Variants in KIZ observed in about 807,000 individuals in gnomAD.
The protein encoded by KIZ is kizuna centrosomal protein.
In KIZ, 68 loss-of-function variants were observed where a neutral mutation model predicts 79.6. The ratio of observed to expected loss-of-function variants is 0.85; its 90% CI spans 0.70 to 1.05. KIZ has a LOEUF of 1.05. KIZ is among the 50% of genes least tolerant of loss of function. KIZ has a pLI of 0.00. For synonymous variants in KIZ, 280 were observed against 281.8 expected, an observed-to-expected ratio of 0.99 and a Z score of 0.06; for missense variants, 797 against 800.4, an observed-to-expected ratio of 1.00 and a Z score of 0.05.
chr20:21,178,689 A>G lies in KIZ; in HGVS notation c.1352+15530A>G, dbSNP rs147018109. Among the ~76,000 whole-genome samples the G allele has an allele frequency of 1.7e-3, 252 of 152,276 alleles. 1 individual carries two copies. The highest frequency in any genetic ancestry group is 6.0e-3 in the African/African-American group (248 of 41,572). ...AAGCTTTCAGCTTTCACCATTGAGT[A>G]TGATATTAGCTGTGAACTTTATATA... is the stretch of plus-strand genomic sequence containing the variant. On this transcript the variant is annotated intron_variant, in intron 6 of 12. Coordinates refer to ENST00000619189, the MANE Select transcript of KIZ (RefSeq NM_018474.6).
rs1251943511 is a variant in KIZ at position 21,205,670 on chromosome 20, A to G, written c.1446+86A>G. 6 of 650,832 alleles carry G rather than the reference A, an allele frequency of 9.2e-6. No individual in the cohort carries two copies. In the Admixed American group the frequency reaches 2.1e-4, roughly 22 times the overall value. The allele number at this position is 650,832 out of a possible 1,614,324, so 40.3% of individuals were successfully genotyped here. ...AGTAATTTTTATTTAAAAAAAAAAA[A>G]AAAAAGTTTTGGCCAGGCGCCGTGG... On this transcript the variant is annotated intron_variant, in intron 7 of 12. Coordinates refer to ENST00000619189, the MANE Select transcript of KIZ (RefSeq NM_018474.6).
At chr20:21,171,053 A>G (rs2034184952) in intron 6 of KIZ, among the ~76,000 whole-genome samples, 1 of 152,184 alleles carries the variant, frequency 6.6e-6, no homozygotes, top group Non-Finnish European at 1.5e-5. Context: ...TTGCATTATC[A>G]CTAGCAATGA....
intron 6 of KIZ, among the ~76,000 whole-genome samples, chr20:21,171,465 G>A (rs1025817112): frequency 6.6e-6 from 1 of 152,102 alleles, no homozygotes; most frequent in Non-Finnish European, 1.5e-5. Flanking sequence ...GTTTGTTTGT[G>A]ACAGGGTCAC....
intron 7 of KIZ, 37 bp from the exon 8 acceptor site, chr20:21,214,498 G>T (rs1229085542): frequency 3.9e-6 from 6 of 1,540,072 alleles, no homozygotes. Flanking sequence ...GCTACAGTTT[G>T]TTTTTATTTC....
At chr20:21,146,421 C>T (rs144789244) in intron 4 of KIZ, among the ~76,000 whole-genome samples, 47 of 152,314 alleles carry the variant, frequency 3.1e-4, no homozygotes, top group Non-Finnish European at 6.0e-4. Flanking sequence ...GAAAAGCTTA[C>T]TGGGCTGAAA....
chr20:21,214,296 TAA>T (rs2036194943), intron 7 of KIZ, among the ~76,000 whole-genome samples: 1 of 152,126 alleles, frequency 6.6e-6, no homozygotes, highest in Admixed American at 6.6e-5. Context: ...CTGCATTACA[TAA>T]GATTCAGCCC....
At chr20:21,129,946 G>T (rs1193962018) in intron 1 of KIZ, among the ~76,000 whole-genome samples, 1 of 152,078 alleles carries the variant, frequency 6.6e-6, no homozygotes, top group Admixed American at 6.6e-5. Flanking sequence ...ATCTGTTTGA[G>T]AAGTGCATAT....
chr20:21,156,702 A>G (rs748007514), intron 4 of KIZ, among the ~76,000 whole-genome samples: 2 of 152,206 alleles, frequency 1.3e-5, no homozygotes, highest in Non-Finnish European at 2.9e-5. Context: ...TGTGCTCAAG[A>G]AAGAGCGTGT....
At chr20:21,241,229 A>G (rs1010135786) in intron 11 of KIZ, among the ~76,000 whole-genome samples, 1 of 152,236 alleles carries the variant, frequency 6.6e-6, no homozygotes, top group Non-Finnish European at 1.5e-5. Context: ...TTAGCTTTAC[A>G]TATTAGGTAT....
At chr20:21,171,936 C>T (rs189857963) in intron 6 of KIZ, among the ~76,000 whole-genome samples, 133 of 152,312 alleles carry the variant, frequency 8.7e-4, no homozygotes, top group East Asian at 2.7e-3. Context: ...TCCTTCCAGT[C>T]GTCCCCACCA....
chr20:21,132,283 G>C, intron 2 of KIZ, 124 bp downstream of exon 2: 1 of 569,058 alleles, frequency 1.8e-6, no homozygotes, highest in South Asian at 2.4e-5. Flanking sequence ...GTTTTGTTTA[G>C]TTTTTTTGAG....
chr20:21,175,211 T>C (rs1307350806), intron 6 of KIZ, among the ~76,000 whole-genome samples: 1 of 152,234 alleles, frequency 6.6e-6, no homozygotes, highest in East Asian at 1.9e-4. Context: ...ACCTGTCACT[T>C]CATTCTAATC....
At chr20:21,160,158 G>T (rs2033588139) in intron 4 of KIZ, among the ~76,000 whole-genome samples, 1 of 152,170 alleles carries the variant, frequency 6.6e-6, no homozygotes, top group Admixed American at 6.5e-5. Context: ...CAGTTCCTCA[G>T]TGTGGTCGGT....
intron 3 of KIZ, 90 bp from the exon 4 acceptor site, chr20:21,145,475 T>C (rs1378539403): frequency 4.5e-6 from 2 of 443,050 alleles, no homozygotes; most frequent in African/African-American, 4.1e-5. Flanking sequence ...TCTACTTCAA[T>C]GCTCCCTGTA....
chr20:21,149,864 AG>A (rs2033031801), intron 4 of KIZ, among the ~76,000 whole-genome samples: 1 of 152,238 alleles, frequency 6.6e-6, no homozygotes, highest in African/African-American at 2.4e-5. Context: ...CAAGTGACTT[AG>A]GTTGGAATCC....
At chr20:21,159,503 A>G (rs2122653698) in intron 4 of KIZ, among the ~76,000 whole-genome samples, 1 of 151,666 alleles carries the variant, frequency 6.6e-6, no homozygotes, top group East Asian at 1.9e-4. Context: ...GATTCCTTCT[A>G]CTCCCCACCA....
intron 9 of KIZ, among the ~76,000 whole-genome samples, chr20:21,223,746 TG>T (rs2036575215): frequency 6.8e-6 from 1 of 147,932 alleles, no homozygotes; most frequent in South Asian, 2.2e-4. Flanking sequence ...CTCGGCTAAC[TG>T]CAGTCTCCAC....
chr20:21,240,286 G>A (rs1193737499), intron 11 of KIZ, among the ~76,000 whole-genome samples: 2 of 152,028 alleles, frequency 1.3e-5, no homozygotes, highest in Non-Finnish European at 2.9e-5. Flanking sequence ...CACCATGCCT[G>A]GCTAATTTTT....
intron 7 of KIZ, among the ~76,000 whole-genome samples, chr20:21,210,295 G>A (rs1318733670): frequency 1.3e-5 from 2 of 152,002 alleles, no homozygotes; most frequent in South Asian, 2.1e-4. Context: ...GTGACAGAGC[G>A]AGACTCCGTC....
Sources: allele counts gnomAD v4.1 joint callset (sites outside exome capture counted in the v4.1 genomes callset), GRCh38; gene constraint gnomAD v4.1.1; transcripts MANE v1.5; gene names NCBI Gene and HGNC (gene_info 2026-07-23, HGNC 2026-07-21).